The following CUL3 variants were observed in gnomAD, a reference collection of about 807,000 sequenced individuals.
CUL3 encodes the protein cullin 3, also known as cullin-3.
In CUL3, 19 loss-of-function variants were observed where a neutral mutation model predicts 89.1. That is an observed-to-expected ratio of 0.21 (90% CI 0.15 to 0.31). The LOEUF is 0.31. Among genes scored for constraint, CUL3 ranks in the 10% least tolerant of loss-of-function variants. The pLI is 1.00. For synonymous variants in CUL3, 351 were observed against 308.4 expected, an observed-to-expected ratio of 1.14 and a Z score of -1.45; for missense variants, 469 against 942.3, an observed-to-expected ratio of 0.50 and a Z score of 6.58.
intron 1 of CUL3, among the ~76,000 whole-genome samples, chr2:224,562,156 G>C (rs1286631935): frequency 1.3e-5 from 2 of 151,924 alleles, no homozygotes; most frequent in Non-Finnish European, 2.9e-5. Flanking sequence ...CATTGTAAAA[G>C]TACTCTCACA....
At chr2:224,531,968 C>A (rs1693711087) in intron 3 of CUL3, among the ~76,000 whole-genome samples, 1 of 151,940 alleles carries the variant, frequency 6.6e-6, no homozygotes. Context: ...GAGTAACAGA[C>A]AATAAAGAGA....
At chr2:224,523,052 A>G (rs1040920662) in intron 3 of CUL3, among the ~76,000 whole-genome samples, 8 of 152,204 alleles carry the variant, frequency 5.3e-5, no homozygotes, top group Non-Finnish European at 8.8e-5. Context: ...GAAAAAAAAC[A>G]GTTAATCACA....
At position 224,473,856 on chromosome 2, in the gene CUL3, T is replaced by G; in HGVS notation, c.*389A>C. The stretch of plus-strand genomic sequence containing the variant: ...TACCCAACTTACACAATGCGCAAAG[T>G]GCTAAGCAACACTACAAAACACATT... On this transcript the variant is annotated 3_prime_UTR_variant, in exon 16 of 16. Transcript: ENST00000264414. 1 of 212,448 alleles carries G rather than the reference T, an allele frequency of 4.7e-6. No individual in the cohort carries two copies. Among genetic ancestry groups the G allele is most frequent in the Non-Finnish European group, 9.5e-6 (1 of 104,878 alleles). The allele number at this position is 212,448 out of a possible 1,614,324, so 13.2% of individuals were successfully genotyped here. A position where few individuals can be genotyped will look rare whatever the true frequency, so the allele number is the denominator to read the frequency against.
chr2:224,573,763 T>C (rs773805121), intron 1 of CUL3, among the ~76,000 whole-genome samples: 5 of 152,212 alleles, frequency 3.3e-5, no homozygotes, highest in Non-Finnish European at 5.9e-5. Context: ...TAGGCGTATA[T>C]GTAATATCAT....
intron 13 of CUL3, among the ~76,000 whole-genome samples, chr2:224,488,066 C>T (rs1173556029): frequency 1.3e-5 from 2 of 152,110 alleles, no homozygotes; most frequent in African/African-American, 2.4e-5. Flanking sequence ...TAAGACACGA[C>T]GTACCAGAAT....
chr2:224,499,750 C>T, intron 11 of CUL3: 1 of 211,676 alleles, frequency 4.7e-6, no homozygotes, highest in African/African-American at 2.3e-5. Context: ...GTCTAAGTGT[C>T]CACCTTAGGC....
intron 2 of CUL3, among the ~76,000 whole-genome samples, chr2:224,542,906 T>C (rs184295637): frequency 1.4e-3 from 212 of 152,144 alleles, no homozygotes; most frequent in African/African-American, 4.9e-3. Context: ...TTCCCAAATA[T>C]CTCCATGGAT....
chr2:224,526,088 G>T (rs902163047), intron 3 of CUL3, among the ~76,000 whole-genome samples: 1 of 152,260 alleles, frequency 6.6e-6, no homozygotes, highest in South Asian at 2.1e-4. Context: ...CAAAAGATAA[G>T]AATCAGATCT....
In CUL3 at chr2:224,536,132, G is replaced by A. The variant is rs550086948; in HGVS notation, c.265-491C>T. Among the ~76,000 whole-genome samples the A allele has an allele frequency of 2.0e-5, 3 of 152,278 alleles. No homozygotes were observed. In the East Asian group the frequency reaches 5.8e-4, roughly 29 times the overall value. ...TCTGTGCCTCAGTTTCCTTATATGTGAAATAGCATTCTTCTTGTAGGATTG... is the reference window on the plus strand; with the variant it reads ...TCTGTGCCTCAGTTTCCTTATATGTAAAATAGCATTCTTCTTGTAGGATTG... On this transcript the variant is annotated intron_variant, in intron 2 of 15. Transcript: ENST00000264414.
rs774312978 is a variant in CUL3, at chr2:224,503,615, G to A, written c.1377+37C>T. 5 of 1,491,410 alleles carry A rather than the reference G, an allele frequency of 3.4e-6. No individual in the cohort carries two copies. The African/African-American group carries it at 4.2e-5, about 13-fold the overall frequency. The allele number at this position is 1,491,410 out of a possible 1,614,324, so 92.4% of individuals were successfully genotyped here. A position where few individuals can be genotyped will look rare whatever the true frequency, so the allele number is the denominator to read the frequency against. On this transcript the variant is annotated intron_variant, in intron 9 of 15. Transcript: ENST00000264414. ...CAGTACACAATCATAATAAACCTCAGTTAGGTGCACTCTATTTCATCTAAA... is the reference window on the plus strand; with the variant it reads ...CAGTACACAATCATAATAAACCTCAATTAGGTGCACTCTATTTCATCTAAA...
chr2:224,537,845 C>G (rs1693951691), intron 2 of CUL3, among the ~76,000 whole-genome samples: 1 of 151,942 alleles, frequency 6.6e-6, no homozygotes, highest in African/African-American at 2.4e-5. Context: ...GTAAATGTGC[C>G]TGCATATTTG....
chr2:224,498,559 C>T (rs910367556), intron 11 of CUL3, among the ~76,000 whole-genome samples: 7 of 152,234 alleles, frequency 4.6e-5, no homozygotes, highest in Middle Eastern at 3.4e-3. Flanking sequence ...TCTGTGAACT[C>T]GAGACTATAG....
chr2:224,513,167 T>A (rs1484907012), intron 5 of CUL3, among the ~76,000 whole-genome samples: 28 of 152,226 alleles, frequency 1.8e-4, no homozygotes. Context: ...GTTTATGTTA[T>A]CTGTAAGGTT....
Position 224,497,856 on chromosome 2 carries a change from T to G in CUL3, c.1611-7A>C. 1 of 1,607,288 alleles carries G rather than the reference T, an allele frequency of 6.2e-7. No homozygotes were observed. The highest frequency in any genetic ancestry group is 8.5e-7 in the Non-Finnish European group (1 of 1,174,098). ...GTGTTTGGCTAAGTAGAACCTTCAG[T>G]AAATCAAACCAGGTTTTAGAAAATC... On this transcript the variant is annotated splice_polypyrimidine_tract_variant and splice_region_variant and intron_variant, in intron 11 of 15. Transcript: ENST00000264414.
At chr2:224,566,032 C>T (rs1348011673) in intron 1 of CUL3, among the ~76,000 whole-genome samples, 1 of 152,168 alleles carries the variant, frequency 6.6e-6, no homozygotes, top group East Asian at 1.9e-4. Flanking sequence ...ATTACTACTG[C>T]TGCGTTTAAA....
intron 13 of CUL3, among the ~76,000 whole-genome samples, chr2:224,493,320 G>T (rs1378348365): frequency 2.0e-5 from 3 of 152,138 alleles, no homozygotes; most frequent in African/African-American, 7.2e-5. Flanking sequence ...CCACTAATTT[G>T]TGGAGGTGAT....
chr2:224,531,742 A>G (rs1477481908), intron 3 of CUL3, among the ~76,000 whole-genome samples: 1 of 152,196 alleles, frequency 6.6e-6, no homozygotes, highest in Non-Finnish European at 1.5e-5. Flanking sequence ...AGTGACATTA[A>G]AGAAAAAAAA....
chr2:224,497,455 A>G (rs112874778), intron 12 of CUL3, among the ~76,000 whole-genome samples: 167 of 152,256 alleles, frequency 1.1e-3, no homozygotes, highest in Middle Eastern at 0.01. Context: ...ATCAACTTAC[A>G]TTTTACTATT....
intron 2 of CUL3, among the ~76,000 whole-genome samples, chr2:224,549,750 AAAG>A (rs918186534): frequency 5.9e-4 from 90 of 152,300 alleles, no homozygotes; most frequent in African/African-American, 2.1e-3. Context: ...AAGGAGAATG[AAAG>A]AAGATGGCTC....
Sources: gnomAD v4.1 joint callset for allele counts (sites outside exome capture counted in the v4.1 genomes callset) on GRCh38, gnomAD v4.1.1 for gene constraint, MANE v1.5 for transcripts, NCBI Gene and HGNC (gene_info 2026-07-23, HGNC 2026-07-21) for gene names.